Variants in FHIT observed in about 807,000 individuals in gnomAD.
The protein encoded by FHIT is fragile histidine triad diadenosine triphosphatase.
In FHIT, 19 loss-of-function variants were observed where a neutral mutation model predicts 17.9. The ratio of observed to expected loss-of-function variants is 1.06; its 90% CI spans 0.74 to 1.56. The LOEUF is 1.56. Among genes scored for constraint, FHIT ranks in the 40% most tolerant of loss-of-function variants. The pLI is 0.00. For missense variants in FHIT, 248 were observed against 189.2 expected, an observed-to-expected ratio of 1.31 and a Z score of -1.82; for synonymous variants, 81 against 69.7, an observed-to-expected ratio of 1.16 and a Z score of -0.81.
chr3:60,688,475 C>T (rs1255892688), intron 4 of FHIT, among the ~76,000 whole-genome samples: 3 of 151,194 alleles, frequency 2.0e-5, no homozygotes, highest in African/African-American at 4.9e-5. Context: ...CTTACTGCCC[C>T]AGCTGGAATG....
At chr3:60,246,382 A>C (rs1705396736) in intron 5 of FHIT, among the ~76,000 whole-genome samples, 1 of 152,086 alleles carries the variant, frequency 6.6e-6, no homozygotes, top group South Asian at 2.1e-4. Context: ...AGGAAGGGGA[A>C]GGGTCTCTCT....
In FHIT at chr3:60,906,248, G is replaced by A. The variant is rs186631047; in HGVS notation, c.-110-84237C>T. Among the ~76,000 whole-genome samples the A allele has an allele frequency of 7.9e-5, 12 of 152,234 alleles. 1 individual carries two copies. The highest frequency in any genetic ancestry group is 2.6e-4 in the Admixed American group (4 of 15,288). On this transcript the variant is annotated intron_variant, in intron 3 of 9. Coordinates refer to ENST00000492590, the MANE Select transcript of FHIT (RefSeq NM_002012.4). ...TATAGTAATTCTGAAACTATTTTCC[G>A]TGTACTATAGGATAGAGCAAATGAA...
At chr3:60,485,320 T>C (rs1035489947) in intron 5 of FHIT, among the ~76,000 whole-genome samples, 2 of 152,146 alleles carry the variant, frequency 1.3e-5, no homozygotes, top group Non-Finnish European at 1.5e-5. Flanking sequence ...CCCAAAAGAA[T>C]ATAAATCATT....
At chr3:60,122,077 A>G (rs1177592670) in intron 5 of FHIT, among the ~76,000 whole-genome samples, 2 of 151,762 alleles carry the variant, frequency 1.3e-5, no homozygotes, top group African/African-American at 4.8e-5. Flanking sequence ...AGAATGCACA[A>G]AAGTTTTCTT....
At chr3:60,976,884 T>C (rs1045343249) in intron 3 of FHIT, among the ~76,000 whole-genome samples, 1 of 151,688 alleles carries the variant, frequency 6.6e-6, no homozygotes, top group East Asian at 1.9e-4. Flanking sequence ...AATACTTGTT[T>C]TTTTTTTTTT....
At chr3:60,426,763 T>C (rs535207585) in intron 5 of FHIT, among the ~76,000 whole-genome samples, 1 of 152,296 alleles carries the variant, frequency 6.6e-6, no homozygotes, top group African/African-American at 2.4e-5. Flanking sequence ...TAAGGACTGC[T>C]CTTCCTCATA....
intron 5 of FHIT, among the ~76,000 whole-genome samples, chr3:60,056,562 CG>C (rs954454940): frequency 6.6e-6 from 1 of 152,170 alleles, no homozygotes; most frequent in African/African-American, 2.4e-5. Context: ...GTGCATTACC[CG>C]GGAGGGTGTG....
At chr3:61,151,165 C>T (rs2037375527) in intron 2 of FHIT, among the ~76,000 whole-genome samples, 1 of 152,190 alleles carries the variant, frequency 6.6e-6, no homozygotes, top group Non-Finnish European at 1.5e-5. Flanking sequence ...TTTTCCAATC[C>T]ATTCCCTATT....
At chr3:59,979,653 C>T (rs1356702462) in intron 7 of FHIT, among the ~76,000 whole-genome samples, 1 of 152,018 alleles carries the variant, frequency 6.6e-6, no homozygotes, top group East Asian at 1.9e-4. Context: ...ACATTCCTAT[C>T]AATGGGGCAC....
chr3:61,010,783 C>G (rs2031744376), intron 3 of FHIT, among the ~76,000 whole-genome samples: 2 of 152,130 alleles, frequency 1.3e-5, no homozygotes, highest in African/African-American at 4.8e-5. Context: ...TAAGGTTTAC[C>G]TAAATATTTC....
At chr3:60,754,709 T>G (rs1181298923) in intron 4 of FHIT, among the ~76,000 whole-genome samples, 1 of 152,196 alleles carries the variant, frequency 6.6e-6, no homozygotes, top group African/African-American at 2.4e-5. Flanking sequence ...CAGCCTTATT[T>G]TCTGTGGCAA....
intron 5 of FHIT, among the ~76,000 whole-genome samples, chr3:60,395,871 G>T (rs1023509961): frequency 3.3e-5 from 5 of 152,086 alleles, no homozygotes; most frequent in Admixed American, 2.0e-4. Flanking sequence ...CTTGGACAGG[G>T]TTATTAACTT....
chr3:60,965,856 G>A (rs1037231019), intron 3 of FHIT, among the ~76,000 whole-genome samples: 1 of 152,196 alleles, frequency 6.6e-6, no homozygotes, highest in Admixed American at 6.5e-5. Context: ...CCTACTGGGA[G>A]GTATCTCCCA....
At chr3:60,048,057 C>A (rs1231178936) in intron 5 of FHIT, among the ~76,000 whole-genome samples, 2 of 152,236 alleles carry the variant, frequency 1.3e-5, no homozygotes, top group Non-Finnish European at 2.9e-5. Context: ...TGCAGATGGT[C>A]TTCACCGTGT....
chr3:59,965,561 A>C (rs1421598783), intron 7 of FHIT, among the ~76,000 whole-genome samples: 1 of 152,168 alleles, frequency 6.6e-6, no homozygotes, highest in Non-Finnish European at 1.5e-5. Flanking sequence ...TTGTCTTAAC[A>C]AATCCATGAG....
At position 60,260,551 on chromosome 3, in the gene FHIT, G is replaced by A. The variant is rs182888271; in HGVS notation, c.104-246399C>T. Among the ~76,000 whole-genome samples the A allele has an allele frequency of 4.1e-4, 63 of 152,126 alleles. 2 individuals carry two copies. The South Asian group carries it at 0.01, about 25-fold the overall frequency. On this transcript the variant is annotated intron_variant, in intron 5 of 9. Transcript: ENST00000492590. ...GCTTTAGACTTAACACAAAGCTTTT[G>A]CAAATAAATGCCTCTATAACCTTAA... is the stretch of plus-strand genomic sequence containing the variant.
At chr3:61,083,962 T>C (rs535749610) in intron 2 of FHIT, among the ~76,000 whole-genome samples, 23 of 152,094 alleles carry the variant, frequency 1.5e-4, no homozygotes, top group African/African-American at 5.3e-4. Flanking sequence ...GATGCTTGGA[T>C]AGTGTTTTTT....
intron 5 of FHIT, among the ~76,000 whole-genome samples, chr3:60,178,006 A>C (rs1415896650): frequency 6.6e-6 from 1 of 152,216 alleles, no homozygotes; most frequent in Non-Finnish European, 1.5e-5. Context: ...AGCTACGGGA[A>C]AGTGAGACAA....
At chr3:60,284,910 G>T (rs970397200) in intron 5 of FHIT, among the ~76,000 whole-genome samples, 4 of 152,060 alleles carry the variant, frequency 2.6e-5, no homozygotes, top group African/African-American at 9.7e-5. Flanking sequence ...ATCTGTGTTT[G>T]GCTTTGCTAT....
Sources: gnomAD v4.1 joint callset for allele counts (sites outside exome capture counted in the v4.1 genomes callset) on GRCh38, gnomAD v4.1.1 for gene constraint, MANE v1.5 for transcripts, NCBI Gene and HGNC (gene_info 2026-07-23, HGNC 2026-07-21) for gene names.